ACSM3: variants seen among roughly 807,000 people sequenced by gnomAD.
The protein encoded by ACSM3 is acyl-coenzyme A synthetase ACSM3, mitochondrial.
ACSM3 carries 61 observed loss-of-function variants against 74.1 expected under a neutral mutation model. The observed-to-expected ratio is 0.82, with a 90% CI of 0.67 to 1.02. The LOEUF (loss-of-function observed/expected upper bound fraction) is 1.02. Among genes scored for constraint, ACSM3 ranks in the 50% least tolerant of loss-of-function variants. ACSM3 has a pLI of 0.00. For missense variants in ACSM3, 660 were observed against 697.0 expected, an observed-to-expected ratio of 0.95 and a Z score of 0.60; for synonymous variants, 213 against 241.5, an observed-to-expected ratio of 0.88 and a Z score of 1.09.
intron 1 of ACSM3, chr16:20,736,324 T>A (rs146168323): frequency 6.6e-6 from 1 of 150,406 alleles, no homozygotes; most frequent in South Asian, 2.1e-4. Context: ...CTCTCTCACA[T>A]CTTGCCTTCC....
intron 1 of ACSM3, among the ~76,000 whole-genome samples, chr16:20,686,703 A>C (rs2079559432): frequency 6.6e-6 from 1 of 152,064 alleles, no homozygotes; most frequent in African/African-American, 2.4e-5. Context: ...GGTCCCAGCT[A>C]CTTGGGAGGC....
intron 1 of ACSM3, among the ~76,000 whole-genome samples, chr16:20,726,278 T>G (rs1031259328): frequency 6.6e-6 from 1 of 152,160 alleles, no homozygotes; most frequent in Non-Finnish European, 1.5e-5. Context: ...GAACATCCAG[T>G]AGAGTTACAA....
At chr16:20,775,713 T>G in intron 2 of ACSM3, 126 bp from the exon 3 acceptor site, 1 of 912,132 alleles carries the variant, frequency 1.1e-6, no homozygotes, top group Non-Finnish European at 1.7e-6. Flanking sequence ...ATTTCCAAAT[T>G]CTCCATCCAT....
rs199576527 is a variant in ACSM3, at chr16:20,737,695, A to G, written c.-189-12215A>G. 7 of 1,593,178 alleles carry G rather than the reference A, an allele frequency of 4.4e-6. No homozygotes were observed. The African/African-American group carries it at 8.1e-5, about 18-fold the overall frequency. Reference sequence around the variant, plus strand: ...CATTGAATGCCTATGGAAAATCACTAAGAGAAACATACCTGCCAATTCTCT... The same window carrying G: ...CATTGAATGCCTATGGAAAATCACTGAGAGAAACATACCTGCCAATTCTCT... On this transcript the variant is annotated intron_variant, in intron 1 of 3. Transcript: ENST00000561584.
chr16:20,721,486 T>C (rs1197151376), intron 1 of ACSM3: 1 of 152,140 alleles, frequency 6.6e-6, no homozygotes, highest in East Asian at 1.9e-4. Context: ...AATTACTTTT[T>C]ATTAAAGAGT....
chr16:20,718,607 C>A (rs956983727), intron 1 of ACSM3: 1 of 196,884 alleles, frequency 5.1e-6, no homozygotes, highest in African/African-American at 2.3e-5. Context: ...CAATTAATTG[C>A]TACCAAACAG....
At chr16:20,739,986 G>GT (rs1205059781) in intron 1 of ACSM3, among the ~76,000 whole-genome samples, 1 of 152,186 alleles carries the variant, frequency 6.6e-6, no homozygotes, top group Admixed American at 6.5e-5. Flanking sequence ...CGTTGACCAG[G>GT]TATCTGTGTG....
intron 11 of ACSM3, 48 bp from the exon 12 acceptor site, chr16:20,792,188 G>A: frequency 6.2e-7 from 1 of 1,613,994 alleles, no homozygotes; most frequent in Non-Finnish European, 8.5e-7. Flanking sequence ...GTGTTCTAGA[G>A]TGAACCTGCC....
chr16:20,745,120 T>C (rs1417192490), intron 1 of ACSM3, among the ~76,000 whole-genome samples: 1 of 152,202 alleles, frequency 6.6e-6, no homozygotes, highest in African/African-American at 2.4e-5. Flanking sequence ...TCAGCCTTCA[T>C]TTATTCCTTA....
At chr16:20,682,228 G>A (rs1567307072) in intron 1 of ACSM3, 1 of 1,605,130 alleles carries the variant, frequency 6.2e-7, no homozygotes, top group Non-Finnish European at 8.5e-7. Flanking sequence ...TGTACTCAGA[G>A]ATTATATTCA....
intron 1 of ACSM3, among the ~76,000 whole-genome samples, chr16:20,723,151 G>A (rs1380244445): frequency 6.6e-6 from 1 of 151,842 alleles, no homozygotes; most frequent in Non-Finnish European, 1.5e-5. Flanking sequence ...TTTTGTCCTT[G>A]CGATAGTTTG....
At chr16:20,717,081 T>C (rs568609648) in intron 1 of ACSM3, among the ~76,000 whole-genome samples, 1 of 152,298 alleles carries the variant, frequency 6.6e-6, no homozygotes, top group South Asian at 2.1e-4. Flanking sequence ...GGGACCCAAA[T>C]TTATTCATCT....
At chr16:20,749,243 T>G (rs1295284091) in intron 1 of ACSM3, 1 of 152,206 alleles carries the variant, frequency 6.6e-6, no homozygotes, top group African/African-American at 2.4e-5. Context: ...ACCTACTGTT[T>G]TTCCACATTT....
chr16:20,694,500 C>T (rs2079679414), intron 1 of ACSM3, among the ~76,000 whole-genome samples: 1 of 152,224 alleles, frequency 6.6e-6, no homozygotes, highest in African/African-American at 2.4e-5. Context: ...CCTCCTTCCA[C>T]AGGCATGAGC....
chr16:20,743,903 T>C (rs1347956992), intron 1 of ACSM3: 1 of 152,186 alleles, frequency 6.6e-6, no homozygotes, highest in Non-Finnish European at 1.5e-5. Flanking sequence ...AAAATATATA[T>C]ATTTCAAGTC....
In ACSM3 at chr16:20,792,363, A is replaced by G. The variant is rs1449870465; in HGVS notation, c.1554+28A>G. ...AAAAGAACTGATTCATGTCAACTTT[A>G]TAATTTGTTGGCAATTTAACACATA... On this transcript the variant is annotated intron_variant, in intron 12 of 13. Coordinates refer to ENST00000289416, the MANE Select transcript of ACSM3 (RefSeq NM_005622.4). 2.5e-6 allele frequency: 4 copies of G among 1,611,844 alleles called. No homozygotes were observed. In the South Asian group the frequency reaches 3.3e-5, roughly 13 times the overall value.
At chr16:20,762,156 C>G (rs2152445533), upstream of ACSM3, among the ~76,000 whole-genome samples, 1 of 152,296 alleles carries the variant, frequency 6.6e-6, no homozygotes, top group Middle Eastern at 3.4e-3. Context: ...CAGTCTCTCA[C>G]TCTGCCTTAT....
At chr16:20,726,744 A>G (rs935680724) in intron 1 of ACSM3, among the ~76,000 whole-genome samples, 5 of 152,118 alleles carry the variant, frequency 3.3e-5, no homozygotes, top group Admixed American at 6.6e-5. Context: ...GCCTCCATCA[A>G]CTCCATCTAT....
chr16:20,682,859 T>C (rs1025010163), intron 1 of ACSM3, among the ~76,000 whole-genome samples: 7 of 152,190 alleles, frequency 4.6e-5, no homozygotes, highest in African/African-American at 1.4e-4. Context: ...CCCTTCCTTT[T>C]CCCCTTTCTG....
Sources: allele counts gnomAD v4.1 joint callset (sites outside exome capture counted in the v4.1 genomes callset), GRCh38; gene constraint gnomAD v4.1.1; transcripts MANE v1.5; gene names NCBI Gene and HGNC (gene_info 2026-07-23, HGNC 2026-07-21).